The following SPTBN5 variants were observed in gnomAD, a reference collection of about 807,000 sequenced individuals.
SPTBN5 encodes spectrin beta chain, non-erythrocytic 5.
SPTBN5 carries 513 observed loss-of-function variants against 477.6 expected under a neutral mutation model. The ratio of observed to expected loss-of-function variants is 1.07; its 90% CI spans 1.00 to 1.16. The LOEUF is 1.16. SPTBN5 is among the 50% of genes most tolerant of loss of function. SPTBN5 has a pLI of 0.00. For synonymous variants in SPTBN5, 2,169 were observed against 2,011.7 expected, an observed-to-expected ratio of 1.08 and a Z score of -2.09; for missense variants, 5,062 against 4,731.8, an observed-to-expected ratio of 1.07 and a Z score of -2.05.
At position 41,862,519 on chromosome 15, in the gene SPTBN5, C is replaced by T; in HGVS notation, c.7385+20G>A. Reference sequence around the variant, plus strand: ...ATGCTGGAGGATGGGTCGGCGAGGGCAAGGCCTGCGGGTTCATACCGCTTC... The same window carrying T: ...ATGCTGGAGGATGGGTCGGCGAGGGTAAGGCCTGCGGGTTCATACCGCTTC... On this transcript the variant is annotated intron_variant, in intron 43 of 67. Coordinates refer to ENST00000320955, the MANE Select transcript of SPTBN5 (RefSeq NM_016642.4). 6.3e-7 allele frequency: 1 copy of T among 1,577,688 alleles called. No individual in the cohort carries two copies. Among genetic ancestry groups the T allele is most frequent in the Non-Finnish European group, 8.6e-7 (1 of 1,159,748 alleles).
chr15:41,850,810 C>T (rs751742129), intron 66 of SPTBN5, 44 bp downstream of exon 66: 2 of 1,522,016 alleles, frequency 1.3e-6, no homozygotes, highest in African/African-American at 1.4e-5. Flanking sequence ...GCTTGGGGCC[C>T]AGGGAGTCGG....
At chr15:41,851,460 C>T (rs1488777249) in intron 63 of SPTBN5, 91 bp from the exon 64 acceptor site, 3 of 967,798 alleles carry the variant, frequency 3.1e-6, no homozygotes, top group Non-Finnish European at 4.7e-6. Context: ...GTGGAGCTTC[C>T]CAGGAAAAGC....
In SPTBN5 at chr15:41,867,038, A is replaced by G; in HGVS notation, c.6401T>C (p.Val2134Ala). Residue 2134 changes from valine (V) to alanine (A), a missense_variant, in exon 36 of 68, where the codon GTG becomes GCG. Physicochemically the swap from Val to Ala is moderately conservative, Grantham distance 64 (BLOSUM62 0). Coordinates refer to ENST00000320955, the MANE Select transcript of SPTBN5 (RefSeq NM_016642.4). ...TCCCCGGCTCTCCGCCAGCTCCTTC[A>G]CTCTCATCCGGCGCTGCAGCAGGAT... Reference protein sequence around the residue: ...LPILLQRRMRVKELAESRGHA... With the variant: ...LPILLQRRMRAKELAESRGHA... 1 of 1,553,406 alleles carries G rather than the reference A, an allele frequency of 6.4e-7. No individual in the cohort carries two copies. Among genetic ancestry groups the G allele is most frequent in the South Asian group, 1.2e-5 (1 of 84,328 alleles).
In SPTBN5 at chr15:41,878,482, C is replaced by T. The variant is rs572465268; in HGVS notation, c.3330G>A (p.Glu1110=). ...ETQARQSFLQ[E]SQQLLLWAES... ...CTGCCCACAGTAGCAGTTGCTGGCT[C>T]TCTTGCAGGAAGCTCTGCCGGGCCT... The change falls in exon 17 of 68, where the codon GAG becomes GAA. Residue 1110 remains glutamate, a synonymous_variant. Transcript: ENST00000320955. 1 of 1,613,386 alleles carries T rather than the reference C, an allele frequency of 6.2e-7. No homozygotes were observed. Among genetic ancestry groups the T allele is most frequent in the African/African-American group, 1.3e-5 (1 of 74,956 alleles).
rs988886126 is a variant in SPTBN5 at position 41,882,306 on chromosome 15, C to A, written c.2210G>T (p.Arg737Leu). ...WQLLQTRVVG[R>L]GARLQTALLV... ...CAGGGCTGTCTGCAGCCGTGCGCCC[C>A]GCCCCACCACCCGGGTCTGGAGCAG... Residue 737 changes from arginine (R) to leucine (L), a missense_variant, in exon 11 of 68, where the codon CGG (arginine) becomes CTG (leucine). Physicochemically the swap from Arg to Leu is moderately radical, Grantham distance 102. Transcript: ENST00000320955. 9.8e-6 allele frequency: 15 copies of A among 1,525,912 alleles called. No individual in the cohort carries two copies. Among genetic ancestry groups the A allele is most frequent in the Non-Finnish European group, 1.3e-5 (15 of 1,140,468 alleles). 94.5% of individuals were successfully genotyped at this position (1,525,912 alleles called of 1,614,324 possible).
chr15:41,878,661 C>A (rs772831537), intron 16 of SPTBN5, 32 bp from the exon 17 acceptor site: 22 of 1,589,666 alleles, frequency 1.4e-5, no homozygotes, highest in Non-Finnish European at 1.7e-5. Context: ...ACAGTCAGTG[C>A]CCTGTCCTGG....
chr15:41,868,810 A>C (rs1161426971), intron 32 of SPTBN5, among the ~76,000 whole-genome samples: 2 of 152,148 alleles, frequency 1.3e-5, no homozygotes, highest in Non-Finnish European at 2.9e-5. Flanking sequence ...CGAACCCCCT[A>C]CATGAGCCAG....
In SPTBN5 at chr15:41,865,850, C is replaced by A. The variant is rs760046991; in HGVS notation, c.6876G>T (p.Gln2292His). ...DLGQDLEHCL[Q>H]LRRRLREFRG... ...GGAACTCGCGGAGCCGCCGTCGGAG[C>A]TGCAGGCAGTGCTCCAGGTCCTGGC... The change falls in exon 39 of 68, where the codon CAG becomes CAT. Residue 2292 changes from glutamine to histidine, a missense_variant. Transcript: ENST00000320955. 15 of 1,581,598 alleles carry A rather than the reference C, an allele frequency of 9.5e-6. No individual in the cohort carries two copies. In the African/African-American group the frequency reaches 1.8e-4, roughly 18 times the overall value.
chr15:41,857,034 T>C lies in SPTBN5; in HGVS notation c.8627A>G (p.Lys2876Arg). 1.9e-6 allele frequency: 3 copies of C among 1,602,060 alleles called. No individual in the cohort carries two copies. Among genetic ancestry groups the C allele is most frequent in the Non-Finnish European group, 2.6e-6 (3 of 1,174,992 alleles). Residue 2876 changes from lysine (K) to arginine (R), a missense_variant, in exon 52 of 68, where the codon AAG becomes AGG. Lys to Arg is a conservative substitution (Grantham distance 26). Coordinates refer to ENST00000320955, the MANE Select transcript of SPTBN5 (RefSeq NM_016642.4). ...EQARRLLQRF[K>R]SLREPLQERR... ...CTCCTGCAGGGGCTCCCTCAGGCTC[T>C]TGAACCTGCAGCGGTGGAGGGTGGG...
chr15:41,890,667 T>C (rs1476569898), intron 3 of SPTBN5, among the ~76,000 whole-genome samples: 1 of 152,258 alleles, frequency 6.6e-6, no homozygotes, highest in Non-Finnish European at 1.5e-5. Flanking sequence ...CCTCTTCTTC[T>C]GTTCCGGCTC....
intron 39 of SPTBN5, among the ~76,000 whole-genome samples, chr15:41,864,711 G>T (rs1229750790): frequency 1.3e-5 from 2 of 152,350 alleles, no homozygotes; most frequent in East Asian, 3.9e-4. Flanking sequence ...TGGGGTTTGG[G>T]TGTCCCCACC....
rs911793541 is a variant in SPTBN5 at position 41,850,094 on chromosome 15, G to T, written c.10922-135C>A. 8.3e-6 allele frequency: 6 copies of T among 725,568 alleles called. 1 individual carries two copies. Among genetic ancestry groups the T allele is most frequent in the Non-Finnish European group, 1.2e-5 (5 of 419,912 alleles). The allele number at this position is 725,568 out of a possible 1,614,324, so 44.9% of individuals were successfully genotyped here. ...CCTGGCTATGCCAGGCCCTTCCCAC[G>T]TGGGGGTGTGGGGCGGGCTGAGCAC... On this transcript the variant is annotated intron_variant, in intron 66 of 67. Coordinates refer to ENST00000320955, the MANE Select transcript of SPTBN5 (RefSeq NM_016642.4).
intron 48 of SPTBN5, 36 bp downstream of exon 48, chr15:41,858,854 C>T: frequency 6.5e-7 from 1 of 1,549,320 alleles, no homozygotes; most frequent in Non-Finnish European, 8.7e-7. Flanking sequence ...GACTCCTTCC[C>T]CACCATGACC....
intron 23 of SPTBN5, 112 bp downstream of exon 23, chr15:41,874,728 ACT>A: frequency 9.1e-7 from 1 of 1,100,318 alleles, no homozygotes. Flanking sequence ...TCCCAGAATG[ACT>A]CTACTCATAA....
rs749075914 is a variant in SPTBN5 at position 41,869,828 on chromosome 15, C to G, written c.5853+13G>C. 2.6e-6 allele frequency: 4 copies of G among 1,546,430 alleles called. No individual in the cohort carries two copies. The highest frequency in any genetic ancestry group is 3.5e-6 in the Non-Finnish European group (4 of 1,157,812). On this transcript the variant is annotated intron_variant, in intron 32 of 67. Coordinates refer to ENST00000320955, the MANE Select transcript of SPTBN5 (RefSeq NM_016642.4). ...ATGCACACACACACCACCCAAAGGGCAGGAGCCCTCACCGCCGTGCGGAAG... is the reference window on the plus strand; with the variant it reads ...ATGCACACACACACCACCCAAAGGGGAGGAGCCCTCACCGCCGTGCGGAAG...
Position 41,874,881 on chromosome 15 carries a change from G to A in SPTBN5, c.4463C>T (p.Ser1488Phe). 11 of 1,611,882 alleles carry A rather than the reference G, an allele frequency of 6.8e-6. No homozygotes were observed. The highest frequency in any genetic ancestry group is 7.6e-6 in the Non-Finnish European group (9 of 1,178,976). The change falls in exon 23 of 68, where the codon TCC becomes TTC. Residue 1488 changes from serine (S) to phenylalanine (F), a missense_variant. Ser to Phe is a radical substitution (Grantham distance 155). Transcript: ENST00000320955. The part of the protein sequence containing the change: ...LASMAHGMAA[S>F]PAILEETQKH... ...CTGGGTCTCTTCCAGGATGGCCGGG[G>A]AGGCGGCCATGCCATGGGCCATGGA...
Position 41,882,061 on chromosome 15 carries a change from C to T in SPTBN5, c.2332G>A (p.Ala778Thr). ...CGCCTCAGCAGGGTCTCGGCGGCCG[C>T]CTGGTCCTGACCGCAGGACGCTCTC... is the stretch of plus-strand genomic sequence containing the variant. ...LERASCGQDQ[A>T]AAETLLRRHV... The change falls in exon 12 of 68, where the codon GCG becomes ACG. Residue 778 changes from alanine to threonine, a missense_variant. By Grantham distance (58) the Ala-to-Thr change is moderately conservative. Transcript: ENST00000320955. 1 of 1,564,418 alleles carries T rather than the reference C, an allele frequency of 6.4e-7. No individual in the cohort carries two copies. Among genetic ancestry groups the T allele is most frequent in the Non-Finnish European group, 8.6e-7 (1 of 1,166,866 alleles).
chr15:41,881,801 G>C, intron 12 of SPTBN5, 135 bp downstream of exon 12: 3 of 771,712 alleles, frequency 3.9e-6, no homozygotes, highest in Non-Finnish European at 3.9e-6. Flanking sequence ...ACTGGGGTGA[G>C]GGACACCTAC....
At chr15:41,876,485 C>T (rs929384760) in intron 20 of SPTBN5, 63 bp downstream of exon 20, 106 of 1,452,472 alleles carry the variant, frequency 7.3e-5, no homozygotes, top group Non-Finnish European at 9.2e-5. Flanking sequence ...CTGCACAGAG[C>T]TCTGTACGGT....
Sources: allele counts gnomAD v4.1 joint callset (sites outside exome capture counted in the v4.1 genomes callset), GRCh38; gene constraint gnomAD v4.1.1; transcripts MANE v1.5; gene names NCBI Gene and HGNC (gene_info 2026-07-23, HGNC 2026-07-21).